The following THADA variants were observed in gnomAD, a reference collection of about 807,000 sequenced individuals.
THADA encodes tRNA (32-2'-O)-methyltransferase regulator THADA.
In THADA, 213 loss-of-function variants were observed where a neutral mutation model predicts 219.8. The observed-to-expected ratio is 0.97, with a 90% CI of 0.87 to 1.09. The LOEUF (loss-of-function observed/expected upper bound fraction) is 1.09, where lower values mean the gene tolerates loss of function less well. THADA is among the 50% of genes least tolerant of loss of function. THADA has a pLI of 0.00. For synonymous variants in THADA, 1,018 were observed against 828.9 expected (o/e 1.23, Z -3.92); for missense variants, 2,956 against 2,311.3 (o/e 1.28, Z -5.72).
At chr2:43,297,187 C>G (rs1308301813) in intron 31 of THADA, among the ~76,000 whole-genome samples, 7 of 92,710 alleles carry the variant, frequency 7.6e-5, no homozygotes, top group South Asian at 4.6e-4. Flanking sequence ...GCCTCTGCCC[C>G]GCCGCCCCAT....
intron 30 of THADA, among the ~76,000 whole-genome samples, chr2:43,335,965 C>T (rs1259233239): frequency 2.6e-5 from 4 of 151,814 alleles, no homozygotes; most frequent in Non-Finnish European, 5.9e-5. Context: ...GGTGTGGTGG[C>T]GGGCGCCTGC....
chr2:43,437,256 G>C (rs113270446), intron 26 of THADA, among the ~76,000 whole-genome samples: 1 of 152,142 alleles, frequency 6.6e-6, no homozygotes, highest in African/African-American at 2.4e-5. Flanking sequence ...CCAATCTACA[G>C]GTTAAGATAA....
At chr2:43,592,844 C>G (rs1701717687) in intron 1 of THADA, 1 of 152,960 alleles carries the variant, frequency 6.5e-6, no homozygotes, top group South Asian at 2.1e-4. Context: ...TCAAACTAAC[C>G]TCAGTGACTC....
intron 29 of THADA, among the ~76,000 whole-genome samples, chr2:43,396,519 G>A (rs781330558): frequency 9.9e-5 from 15 of 152,116 alleles, no homozygotes; most frequent in East Asian, 1.9e-4. Context: ...ACCAAGGAAC[G>A]GCCAGGCACA....
chr2:43,313,973 T>C (rs989877868), intron 31 of THADA, among the ~76,000 whole-genome samples: 3 of 152,248 alleles, frequency 2.0e-5, no homozygotes, highest in African/African-American at 7.2e-5. Flanking sequence ...GGAACATTAG[T>C]ACTTTCTTCA....
intron 22 of THADA, among the ~76,000 whole-genome samples, chr2:43,513,611 C>T (rs535121886): frequency 2.6e-5 from 4 of 152,236 alleles, no homozygotes; most frequent in African/African-American, 4.8e-5. Context: ...TATGATATCC[C>T]CAATTTCACT....
At chr2:43,257,415 G>C (rs182945578) in intron 36 of THADA, among the ~76,000 whole-genome samples, 106 of 152,338 alleles carry the variant, frequency 7.0e-4, no homozygotes, top group African/African-American at 2.5e-3. Context: ...AGAGGAGAGA[G>C]GAGGCTTCTC....
intron 22 of THADA, among the ~76,000 whole-genome samples, chr2:43,520,285 T>C (rs1032573710): frequency 3.9e-5 from 6 of 152,234 alleles, no homozygotes; most frequent in Admixed American, 6.5e-5. Context: ...GTCGAATTAA[T>C]ACAAAATATA....
intron 29 of THADA, among the ~76,000 whole-genome samples, chr2:43,369,214 G>C (rs1389940248): frequency 1.3e-5 from 2 of 152,178 alleles, no homozygotes; most frequent in African/African-American, 2.4e-5. Flanking sequence ...CTCCCGTTGT[G>C]TCTGCCAAGC....
rs1678583689 is a variant in THADA, at chr2:43,320,536, T to C, written c.4348A>G (p.Asn1450Asp). ...KAKLWLAKRQ[N>D]PCLVTRAVYI... Reference sequence around the variant, plus strand: ...ACAGCTCTGGTCACCAAACATGGATTTTGCCTAGAAAGGTAAAGAACAGAA... The same window carrying C: ...ACAGCTCTGGTCACCAAACATGGATCTTGCCTAGAAAGGTAAAGAACAGAA... The change falls in exon 31 of 38, where the codon AAT becomes GAT. Residue 1450 changes from asparagine (N) to aspartate (D), a missense_variant. Physicochemically the swap from Asn to Asp is conservative, Grantham distance 23. Transcript: ENST00000405975. The C allele has an allele frequency of 6.2e-7, 1 of 1,611,492 alleles. No individual in the cohort carries two copies. Among genetic ancestry groups the C allele is most frequent in the Non-Finnish European group, 8.5e-7 (1 of 1,178,824 alleles).
intron 35 of THADA, among the ~76,000 whole-genome samples, chr2:43,281,673 T>C (rs1047899581): frequency 3.3e-5 from 5 of 152,068 alleles, no homozygotes; most frequent in African/African-American, 9.7e-5. Context: ...TGACCTCAGG[T>C]AGACCCACCC....
At chr2:43,573,821 T>C (rs1574321520) in intron 11 of THADA, among the ~76,000 whole-genome samples, 1 of 152,354 alleles carries the variant, frequency 6.6e-6, no homozygotes, top group Non-Finnish European at 1.5e-5. Flanking sequence ...CAGTGATTCC[T>C]GTAGGGTTTG....
intron 25 of THADA, chr2:43,492,302 G>C (rs1248252722): frequency 6.8e-6 from 1 of 146,718 alleles, no homozygotes; most frequent in Admixed American, 6.8e-5. Context: ...AACACAGTGA[G>C]ACTCTGTCTC....
At chr2:43,423,678 C>T (rs958481457) in intron 28 of THADA, among the ~76,000 whole-genome samples, 7 of 152,198 alleles carry the variant, frequency 4.6e-5, no homozygotes, top group East Asian at 1.9e-4. Flanking sequence ...GTGATCCGCC[C>T]GCCTCGGCCT....
intron 26 of THADA, among the ~76,000 whole-genome samples, chr2:43,469,144 A>G (rs1245667931): frequency 6.6e-6 from 1 of 152,208 alleles, no homozygotes; most frequent in Non-Finnish European, 1.5e-5. Flanking sequence ...GGGGGAAATC[A>G]GCATACTGTA....
At chr2:43,481,991 CT>C (rs1490697376) in intron 26 of THADA, among the ~76,000 whole-genome samples, 1 of 152,144 alleles carries the variant, frequency 6.6e-6, no homozygotes, top group Non-Finnish European at 1.5e-5. Flanking sequence ...ATTAGTTTAG[CT>C]CCTGTCCTGT....
intron 36 of THADA, among the ~76,000 whole-genome samples, chr2:43,243,976 C>G (rs1225683127): frequency 6.6e-6 from 1 of 152,132 alleles, no homozygotes; most frequent in East Asian, 1.9e-4. Flanking sequence ...AATACCCTAG[C>G]AAATCCTTTG....
intron 26 of THADA, among the ~76,000 whole-genome samples, chr2:43,437,372 G>C (rs764314973): frequency 1.3e-5 from 2 of 152,188 alleles, no homozygotes; most frequent in Non-Finnish European, 2.9e-5. Context: ...ACAGCCTTTT[G>C]AGTTTCTACC....
At chr2:43,417,951 T>C (rs1677204756) in intron 28 of THADA, among the ~76,000 whole-genome samples, 1 of 152,180 alleles carries the variant, frequency 6.6e-6, no homozygotes, top group Non-Finnish European at 1.5e-5. Flanking sequence ...AGTCCTAAAA[T>C]ATTGCCTGGC....
Sources: gnomAD v4.1 joint callset for allele counts (sites outside exome capture counted in the v4.1 genomes callset) on GRCh38, gnomAD v4.1.1 for gene constraint, MANE v1.5 for transcripts, NCBI Gene and HGNC (gene_info 2026-07-23, HGNC 2026-07-21) for gene names.